The following AGBL4 variants were observed in gnomAD, a reference collection of about 807,000 sequenced individuals.
AGBL4 encodes the protein cytosolic carboxypeptidase 6.
AGBL4 carries 58 observed loss-of-function variants against 66.4 expected under a neutral mutation model. That is an observed-to-expected ratio of 0.87 (90% CI 0.71 to 1.09). The LOEUF is 1.09. Among genes scored for constraint, AGBL4 ranks in the 50% least tolerant of loss-of-function variants. The pLI, the probability that AGBL4 is intolerant of heterozygous loss-of-function variation, is 0.00. For synonymous variants in AGBL4, 234 were observed against 222.9 expected, an observed-to-expected ratio of 1.05 and a Z score of -0.44; for missense variants, 579 against 631.0, an observed-to-expected ratio of 0.92 and a Z score of 0.88.
intron 2 of AGBL4, among the ~76,000 whole-genome samples, chr1:49,716,509 T>C (rs1648151623): frequency 6.6e-6 from 1 of 151,910 alleles, no homozygotes; most frequent in Admixed American, 6.6e-5. Flanking sequence ...AGTAGCTTGA[T>C]GGAGATAACC....
intron 3 of AGBL4, among the ~76,000 whole-genome samples, chr1:49,375,242 GA>G (rs1644448325): frequency 6.6e-6 from 1 of 152,052 alleles, no homozygotes; most frequent in African/African-American, 2.4e-5. Context: ...GCATATGGGG[GA>G]AAGTCCCAAG....
At chr1:49,983,357 C>A (rs938033030) in intron 1 of AGBL4, among the ~76,000 whole-genome samples, 2 of 152,248 alleles carry the variant, frequency 1.3e-5, no homozygotes, top group Admixed American at 1.3e-4. Flanking sequence ...CCTAATCCAG[C>A]TACAGCCTCA....
chr1:48,943,313 G>T (rs1293382593), intron 5 of AGBL4, among the ~76,000 whole-genome samples: 1 of 152,184 alleles, frequency 6.6e-6, no homozygotes, highest in Admixed American at 6.5e-5. Context: ...TATGAAATTT[G>T]CAAGCGCCTT....
At chr1:48,807,166 T>C (rs1050283825) in intron 6 of AGBL4, among the ~76,000 whole-genome samples, 2 of 152,360 alleles carry the variant, frequency 1.3e-5, no homozygotes, top group South Asian at 2.1e-4. Flanking sequence ...TGCTTTCTTC[T>C]ATGTTGTTCA....
intron 2 of AGBL4, among the ~76,000 whole-genome samples, chr1:49,783,408 C>CA (rs533131779): frequency 1.3e-5 from 2 of 151,396 alleles, no homozygotes; most frequent in South Asian, 4.2e-4. Flanking sequence ...GGGTAAAGGA[C>CA]AAAAAAAATC....
chr1:49,034,799 C>T (rs1167689757), intron 5 of AGBL4, among the ~76,000 whole-genome samples: 1 of 151,992 alleles, frequency 6.6e-6, no homozygotes, highest in Non-Finnish European at 1.5e-5. Flanking sequence ...CTGAGGCCTA[C>T]CAGTCATGCT....
intron 6 of AGBL4, among the ~76,000 whole-genome samples, chr1:48,786,483 T>A (rs970939050): frequency 6.6e-6 from 1 of 152,218 alleles, no homozygotes; most frequent in African/African-American, 2.4e-5. Flanking sequence ...CTATGGGATT[T>A]AATCCCTGTT....
chr1:49,856,964 A>G (rs1646449940), intron 1 of AGBL4, among the ~76,000 whole-genome samples: 1 of 152,000 alleles, frequency 6.6e-6, no homozygotes, highest in African/African-American at 2.4e-5. Flanking sequence ...ATGATCTTTT[A>G]TTTAGAAAAA....
chr1:49,280,885 C>G (rs1025438922), intron 3 of AGBL4, among the ~76,000 whole-genome samples: 1 of 151,886 alleles, frequency 6.6e-6, no homozygotes, highest in Non-Finnish European at 1.5e-5. Context: ...ATAAATAGAC[C>G]TATAATTCAA....
At chr1:49,916,229 A>G (rs1651471154) in intron 1 of AGBL4, among the ~76,000 whole-genome samples, 1 of 152,250 alleles carries the variant, frequency 6.6e-6, no homozygotes, top group Non-Finnish European at 1.5e-5. Context: ...ACAAAGCTGG[A>G]TGGAGAATGA....
At chr1:48,784,014 C>G (rs1645356291) in intron 6 of AGBL4, among the ~76,000 whole-genome samples, 1 of 152,056 alleles carries the variant, frequency 6.6e-6, no homozygotes, top group Admixed American at 6.6e-5. Flanking sequence ...AAAAAGAAAA[C>G]AGTATATTTA....
intron 7 of AGBL4, 46 bp from the exon 8 acceptor site, chr1:48,653,497 A>T: frequency 2.2e-6 from 3 of 1,382,670 alleles, no homozygotes; most frequent in Non-Finnish European, 3.0e-6. Flanking sequence ...CATTTCAAGA[A>T]GAAGGAAACA....
At chr1:48,525,245 C>A in the AGBL4 span, among the ~76,000 whole-genome samples, 72 of 152,206 alleles carry the variant, frequency 4.7e-4, no homozygotes, top group African/African-American at 1.7e-3. Context: ...AAGTGAAATA[C>A]CAAAGCCATT....
intron 1 of AGBL4, among the ~76,000 whole-genome samples, chr1:49,925,743 C>T (rs1652701501): frequency 6.6e-6 from 1 of 152,198 alleles, no homozygotes; most frequent in Non-Finnish European, 1.5e-5. Flanking sequence ...CCTGGCGGTG[C>T]TCCCCGTGGG....
intron 3 of AGBL4, among the ~76,000 whole-genome samples, chr1:49,412,549 T>C (rs760528928): frequency 3.3e-5 from 5 of 152,122 alleles, no homozygotes; most frequent in Admixed American, 6.6e-5. Context: ...TACCCAAATA[T>C]GCTAGAAGTT....
chr1:48,664,031 A>C (rs1431185764), intron 6 of AGBL4, among the ~76,000 whole-genome samples: 3 of 152,212 alleles, frequency 2.0e-5, no homozygotes, highest in African/African-American at 7.2e-5. Context: ...GAGCCAATGC[A>C]AGATAATCAA....
At chr1:49,269,575 C>T (rs1424113886) in intron 3 of AGBL4, among the ~76,000 whole-genome samples, 1 of 152,104 alleles carries the variant, frequency 6.6e-6, no homozygotes, top group Non-Finnish European at 1.5e-5. Flanking sequence ...AGGCTACTAC[C>T]TGTGAGGTTT....
chr1:49,324,357 A>G (rs1278393759), intron 3 of AGBL4, among the ~76,000 whole-genome samples: 9 of 152,262 alleles, frequency 5.9e-5, no homozygotes, highest in Non-Finnish European at 1.3e-4. Context: ...GGCATTCTGA[A>G]TAATTATCCA....
At chr1:49,401,440 C>T (rs1026857825) in intron 3 of AGBL4, among the ~76,000 whole-genome samples, 10 of 152,168 alleles carry the variant, frequency 6.6e-5, no homozygotes, top group East Asian at 1.9e-4. Context: ...ATGGATTCTT[C>T]ATTTCACTGG....
Sources: gnomAD v4.1 joint callset for allele counts (sites outside exome capture counted in the v4.1 genomes callset) on GRCh38, gnomAD v4.1.1 for gene constraint, MANE v1.5 for transcripts, NCBI Gene and HGNC (gene_info 2026-07-23, HGNC 2026-07-21) for gene names.